The following ADGRV1 variants were observed in gnomAD, a reference collection of about 807,000 sequenced individuals.
ADGRV1 encodes the protein adhesion G protein-coupled receptor V1.
ADGRV1 carries 359 observed loss-of-function variants against 596.2 expected under a neutral mutation model. The ratio of observed to expected loss-of-function variants is 0.60; its 90% CI spans 0.55 to 0.66. The LOEUF (loss-of-function observed/expected upper bound fraction) is 0.66. Among genes scored for constraint, ADGRV1 ranks in the 30% least tolerant of loss-of-function variants. The probability of loss-of-function intolerance (pLI) is 0.00; values close to 1 mark genes in which losing one functional copy is unlikely to be tolerated. For missense variants in ADGRV1, 7,274 were observed against 7,575.6 expected, an observed-to-expected ratio of 0.96 and a Z score of 1.48; for synonymous variants, 2,681 against 2,679.2, an observed-to-expected ratio of 1.00 and a Z score of -0.02.
rs775724793 is a variant in ADGRV1, at chr5:91,102,301, C to G, written c.18393C>G (p.Phe6131Leu). The G allele has an allele frequency of 1.2e-6, 2 of 1,607,700 alleles. No homozygotes were observed. The highest frequency in any genetic ancestry group is 2.2e-5 in the South Asian group (2 of 89,844). ...WGGLHMAYRHFWMLVLFVIFN... is the reference protein window; with the variant it reads ...WGGLHMAYRHLWMLVLFVIFN... ...GACTACACATGGCCTACAGACACTT[C>G]TGGATGTTGGTTCTCTTTGTCATTT... The change falls in exon 87 of 90, where the codon TTC becomes TTG. Residue 6131 changes from phenylalanine (F) to leucine (L), a missense_variant. Physicochemically the swap from Phe to Leu is conservative, Grantham distance 22. Around this residue, in one of 5 missense-constraint regions of ADGRV1, gnomAD observed 1,874 missense variants for 1,970.2 expected, o/e 0.95. Transcript: ENST00000405460.
intron 87 of ADGRV1, among the ~76,000 whole-genome samples, chr5:91,114,620 CTT>C (rs1792690944): frequency 6.6e-6 from 1 of 152,152 alleles, no homozygotes; most frequent in South Asian, 2.1e-4. Context: ...TTTTCTCTCT[CTT>C]GAGACAAAGT....
intron 82 of ADGRV1, among the ~76,000 whole-genome samples, chr5:90,860,402 G>C (rs1767442055): frequency 6.6e-6 from 1 of 152,026 alleles, no homozygotes; most frequent in Non-Finnish European, 1.5e-5. Flanking sequence ...CAGGGTTCAA[G>C]CACTTCTCCT....
intron 89 of ADGRV1, among the ~76,000 whole-genome samples, chr5:91,161,701 TAGG>T (rs1796967750): frequency 6.6e-6 from 1 of 152,166 alleles, no homozygotes; most frequent in African/African-American, 2.4e-5. Flanking sequence ...ACATTGTAGA[TAGG>T]AGTATTATTA....
At position 90,783,828 on chromosome 5, in the gene ADGRV1, T is replaced by C; in HGVS notation, c.13434-10T>C. ...TTAGACTCACAGAATTGCTCCTTCT[T>C]GCCATGCAGTGAATTTGAGGAGCCC... On this transcript the variant is annotated splice_polypyrimidine_tract_variant and intron_variant, in intron 66 of 89. Coordinates refer to ENST00000405460, the MANE Select transcript of ADGRV1 (RefSeq NM_032119.4). 6.3e-7 allele frequency: 1 copy of C among 1,588,306 alleles called. No individual in the cohort carries two copies. The highest frequency in any genetic ancestry group is 8.6e-7 in the Non-Finnish European group (1 of 1,165,056).
chr5:90,905,189 C>A (rs1389181894), intron 83 of ADGRV1, among the ~76,000 whole-genome samples: 1 of 151,910 alleles, frequency 6.6e-6, no homozygotes, highest in Non-Finnish European at 1.5e-5. Context: ...TAGTTTTGTT[C>A]TTTTTGCTTA....
At chr5:90,844,498 T>A (rs1765691738) in intron 78 of ADGRV1, among the ~76,000 whole-genome samples, 1 of 152,208 alleles carries the variant, frequency 6.6e-6, no homozygotes, top group Non-Finnish European at 1.5e-5. Flanking sequence ...AAATTTTTGC[T>A]ATGACAGAAT....
intron 34 of ADGRV1, among the ~76,000 whole-genome samples, chr5:90,699,807 GC>G: frequency 6.6e-6 from 1 of 152,214 alleles, no homozygotes; most frequent in South Asian, 2.1e-4. Context: ...CAATATTGTA[GC>G]CTCGTCAGTT....
chr5:90,790,047 A>G (rs891132100), intron 69 of ADGRV1, among the ~76,000 whole-genome samples, 196 bp downstream of exon 69: 1 of 152,226 alleles, frequency 6.6e-6, no homozygotes, highest in African/African-American at 2.4e-5. Flanking sequence ...ATCTCTCTAA[A>G]TTAAAATTGG....
intron 83 of ADGRV1, among the ~76,000 whole-genome samples, chr5:90,878,458 C>T (rs568269764): frequency 2.6e-5 from 4 of 152,234 alleles, no homozygotes; most frequent in Non-Finnish European, 4.4e-5. Flanking sequence ...CGAAGGCTAA[C>T]GTTAAGTGGT....
chr5:90,975,399 C>T (rs1452008408), intron 84 of ADGRV1, among the ~76,000 whole-genome samples: 2 of 152,080 alleles, frequency 1.3e-5, no homozygotes, highest in East Asian at 1.9e-4. Flanking sequence ...GACACATGCA[C>T]GTGTATGTTT....
chr5:90,633,642 CTT>C (rs1765781844), intron 9 of ADGRV1, among the ~76,000 whole-genome samples: 1 of 151,234 alleles, frequency 6.6e-6, no homozygotes, highest in African/African-American at 2.4e-5. Flanking sequence ...ATATATATTC[CTT>C]TTCTCTAGAA....
chr5:90,958,081 G>C (rs528147650), intron 83 of ADGRV1, among the ~76,000 whole-genome samples: 64 of 151,808 alleles, frequency 4.2e-4, no homozygotes, highest in African/African-American at 1.5e-3. Context: ...TGCAAGACCA[G>C]CCTAGGCAAC....
At position 90,916,290 on chromosome 5, in the gene ADGRV1, C is replaced by A. The variant is rs867706179; in HGVS notation, c.17857-49125C>A. Reference sequence around the variant, plus strand: ...TAATTTTTCATTTCATTTTAAATGACAATTTAATAACTGACTTAACATTTA... The same window carrying A: ...TAATTTTTCATTTCATTTTAAATGAAAATTTAATAACTGACTTAACATTTA... On this transcript the variant is annotated intron_variant, in intron 83 of 89. Coordinates refer to ENST00000405460, the MANE Select transcript of ADGRV1 (RefSeq NM_032119.4). 2.0e-5 allele frequency among the ~76,000 whole-genome samples: 3 copies of A among 151,882 alleles called. No individual in the cohort carries two copies. In the South Asian group the frequency reaches 6.3e-4, roughly 32 times the overall value.
intron 11 of ADGRV1, among the ~76,000 whole-genome samples, chr5:90,641,253 TA>T (rs1476024802): frequency 2.6e-5 from 4 of 152,216 alleles, no homozygotes; most frequent in African/African-American, 4.8e-5. Flanking sequence ...GTAGCTTGTT[TA>T]ACAGAGAATT....
chr5:90,693,929 T>C lies in ADGRV1; in HGVS notation c.7173T>C (p.Thr2391=). ...GTCGGCTGTTGTTGTTCTACAGTACTTCCGACATTGATGTAGTGGCTCTGG... is the reference window on the plus strand; with the variant it reads ...GTCGGCTGTTGTTGTTCTACAGTACCTCCGACATTGATGTAGTGGCTCTGG... ...HFGRLLLFYS[T]SDIDVVALAM... is the part of the protein sequence containing the mutation. Residue 2391 remains threonine (T), a synonymous_variant, in exon 33 of 90, where the codon ACT becomes ACC. Transcript: ENST00000405460. 6.3e-7 allele frequency: 1 copy of C among 1,594,622 alleles called. No individual in the cohort carries two copies. Among genetic ancestry groups the C allele is most frequent in the Non-Finnish European group, 8.6e-7 (1 of 1,167,826 alleles).
chr5:90,798,952 A>G (rs1362446200), intron 70 of ADGRV1, among the ~76,000 whole-genome samples: 1 of 152,208 alleles, frequency 6.6e-6, no homozygotes, highest in African/African-American at 2.4e-5. Flanking sequence ...TATTTATGAC[A>G]AACCCACAAC....
rs1750717226 is a variant in ADGRV1, at chr5:90,720,094, A to T, written c.9494A>T (p.Glu3165Val). 1.2e-6 allele frequency: 2 copies of T among 1,613,664 alleles called. No individual in the cohort carries two copies. The highest frequency in any genetic ancestry group is 1.1e-5 in the South Asian group (1 of 91,082). The change falls in exon 44 of 90, where the codon GAG (glutamate) becomes GTG (valine). Residue 3165 changes from glutamate (E) to valine (V), a missense_variant. Transcript: ENST00000405460. The stretch of plus-strand genomic sequence containing the variant: ...TTAGACACGGAACCAGAAATGGATG[A>T]GTATTTTGTTTGCACCTTGTTTAAT... ...AILDTEPEMDEYFVCTLFNPT... is the reference protein window; with the variant it reads ...AILDTEPEMDVYFVCTLFNPT...
chr5:90,915,847 G>T (rs1384814523), intron 83 of ADGRV1, among the ~76,000 whole-genome samples: 1 of 152,182 alleles, frequency 6.6e-6, no homozygotes, highest in Non-Finnish European at 1.5e-5. Flanking sequence ...AGCATTTCAT[G>T]ATTTATGTGT....
intron 2 of ADGRV1, among the ~76,000 whole-genome samples, chr5:90,616,832 C>T (rs13159048): frequency 0.071 from 10,787 of 152,164 alleles, 449 homozygotes; most frequent in Non-Finnish European, 0.093. Context: ...ACTGTACTAT[C>T]GAATACTGGA....
Sources: gnomAD v4.1 joint callset for allele counts (sites outside exome capture counted in the v4.1 genomes callset) on GRCh38, gnomAD v4.1.1 for gene constraint, gnomAD v4.1.1 regional missense constraint, MANE v1.5 for transcripts, NCBI Gene and HGNC (gene_info 2026-07-23, HGNC 2026-07-21) for gene names.